The following ZNF385B variants were observed in gnomAD, a reference collection of about 807,000 sequenced individuals.
ZNF385B encodes zinc finger protein 385B.
In ZNF385B, 23 loss-of-function variants were observed where a neutral mutation model predicts 39.2. The ratio of observed to expected loss-of-function variants is 0.59; its 90% CI spans 0.42 to 0.83. ZNF385B has a LOEUF of 0.83. Ranked by LOEUF, ZNF385B falls within the 40% of genes least tolerant of loss-of-function variation. The probability of loss-of-function intolerance (pLI) is 0.00; values close to 1 mark genes in which losing one functional copy is unlikely to be tolerated. For synonymous variants in ZNF385B, 205 were observed against 222.6 expected (o/e 0.92, Z 0.70); for missense variants, 552 against 598.9 (o/e 0.92, Z 0.82).
At chr2:179,821,976 C>A (rs1372762335) in intron 1 of ZNF385B, among the ~76,000 whole-genome samples, 1 of 152,168 alleles carries the variant, frequency 6.6e-6, no homozygotes, top group East Asian at 1.9e-4. Flanking sequence ...TGTTCTGCTG[C>A]ATAGTGCAAG....
intron 1 of ZNF385B, among the ~76,000 whole-genome samples, chr2:179,829,688 T>C (rs1707873788): frequency 6.6e-6 from 1 of 152,144 alleles, no homozygotes; most frequent in South Asian, 2.1e-4. Flanking sequence ...CAATTTTTTG[T>C]ATTTTTAGTA....
At chr2:179,675,476 G>A (rs1696622959) in intron 3 of ZNF385B, among the ~76,000 whole-genome samples, 1 of 152,194 alleles carries the variant, frequency 6.6e-6, no homozygotes, top group East Asian at 1.9e-4. Flanking sequence ...TCGGATAATT[G>A]ACTCTAATCC....
At chr2:179,621,885 G>A (rs943990530) in intron 3 of ZNF385B, among the ~76,000 whole-genome samples, 3 of 152,106 alleles carry the variant, frequency 2.0e-5, no homozygotes, top group African/African-American at 7.2e-5. Flanking sequence ...AGAAAGACTT[G>A]CCTCATGTTA....
chr2:179,515,101 A>G (rs1044671906), intron 5 of ZNF385B, among the ~76,000 whole-genome samples: 33 of 152,124 alleles, frequency 2.2e-4, no homozygotes, highest in African/African-American at 7.7e-4. Flanking sequence ...TAATATTATC[A>G]TGATTTTGAA....
rs141437734 is a variant in ZNF385B at position 179,608,724 on chromosome 2, A to T, written c.299-63755T>A. On this transcript the variant is annotated intron_variant, in intron 3 of 9. Coordinates refer to ENST00000410066, the MANE Select transcript of ZNF385B (RefSeq NM_152520.6). The stretch of plus-strand genomic sequence containing the variant: ...TCTGGAAATGGACCTGAGACTCTGC[A>T]TTTTAACAAGCCCCTAAGTGATGAC... Among the ~76,000 whole-genome samples the T allele has an allele frequency of 4.2e-3, 645 of 152,230 alleles. 1 individual carries two copies. The highest frequency in any genetic ancestry group is 0.015 in the African/African-American group (610 of 41,552).
At chr2:179,712,375 C>T (rs544518212) in intron 3 of ZNF385B, among the ~76,000 whole-genome samples, 3 of 152,188 alleles carry the variant, frequency 2.0e-5, no homozygotes, top group Non-Finnish European at 4.4e-5. Context: ...CTTGTTCATG[C>T]ACGAAACAGA....
intron 1 of ZNF385B, among the ~76,000 whole-genome samples, chr2:179,854,217 CCATTTCT>C (rs1684402742): frequency 6.6e-6 from 1 of 152,098 alleles, no homozygotes; most frequent in African/African-American, 2.4e-5. Context: ...AGGGTCTACA[CCATTTCT>C]CTGTGAAGTT....
intron 1 of ZNF385B, among the ~76,000 whole-genome samples, chr2:179,847,314 C>T (rs1296466219): frequency 6.6e-6 from 1 of 152,128 alleles, no homozygotes; most frequent in South Asian, 2.1e-4. Flanking sequence ...CCAGATTCTA[C>T]CAGCTTATTC....
intron 4 of ZNF385B, among the ~76,000 whole-genome samples, chr2:179,537,945 A>C (rs1351159405): frequency 1.3e-5 from 2 of 152,060 alleles, no homozygotes; most frequent in African/African-American, 4.8e-5. Flanking sequence ...ATAGGCCATC[A>C]ACCTCTCCCC....
intron 5 of ZNF385B, among the ~76,000 whole-genome samples, chr2:179,493,089 C>T (rs1272612162): frequency 6.6e-6 from 1 of 152,024 alleles, no homozygotes; most frequent in Non-Finnish European, 1.5e-5. Flanking sequence ...CTTTCTGATT[C>T]TGTGTGATAT....
intron 4 of ZNF385B, among the ~76,000 whole-genome samples, chr2:179,526,317 C>T (rs181468669): frequency 5.2e-4 from 79 of 152,114 alleles, no homozygotes; most frequent in African/African-American, 1.5e-3. Flanking sequence ...TGGCCAGGCG[C>T]GGTGGCTCAC....
At chr2:179,535,619 T>C (rs184910038) in intron 4 of ZNF385B, among the ~76,000 whole-genome samples, 81 of 152,338 alleles carry the variant, frequency 5.3e-4, no homozygotes, top group South Asian at 8.3e-4. Flanking sequence ...CTTTGAAATA[T>C]GCTAAATCCC....
At chr2:179,795,204 G>T (rs1705582428) in intron 1 of ZNF385B, among the ~76,000 whole-genome samples, 1 of 152,012 alleles carries the variant, frequency 6.6e-6, no homozygotes, top group South Asian at 2.1e-4. Flanking sequence ...GTGCCGAAGG[G>T]ATGTCAAATA....
chr2:179,801,020 A>C (rs2106554294), intron 1 of ZNF385B, among the ~76,000 whole-genome samples: 1 of 152,170 alleles, frequency 6.6e-6, no homozygotes, highest in Middle Eastern at 3.4e-3. Context: ...GGTATGTTCA[A>C]GTTAGAATCC....
intron 3 of ZNF385B, among the ~76,000 whole-genome samples, chr2:179,713,678 A>G (rs575763838): frequency 6.8e-4 from 103 of 152,328 alleles, no homozygotes; most frequent in Non-Finnish European, 1.1e-3. Flanking sequence ...TTCACCGCCT[A>G]ACATAAGGCT....
At chr2:179,752,678 A>C (rs1235388395) in intron 3 of ZNF385B, among the ~76,000 whole-genome samples, 1 of 152,066 alleles carries the variant, frequency 6.6e-6, no homozygotes, top group African/African-American at 2.4e-5. Context: ...CATTTCTCTG[A>C]TGTCCAGTGA....
At chr2:179,492,690 T>A (rs2055372904) in intron 5 of ZNF385B, among the ~76,000 whole-genome samples, 1 of 152,048 alleles carries the variant, frequency 6.6e-6, no homozygotes, top group South Asian at 2.1e-4. Context: ...TGAAAACCTG[T>A]TTCACAAAAC....
At chr2:179,763,979 T>A (rs1703547489) in intron 3 of ZNF385B, among the ~76,000 whole-genome samples, 1 of 152,196 alleles carries the variant, frequency 6.6e-6, no homozygotes, top group Non-Finnish European at 1.5e-5. Flanking sequence ...ATTAGATCCT[T>A]TTAGTTGATT....
intron 1 of ZNF385B, among the ~76,000 whole-genome samples, chr2:179,773,731 G>A (rs1704143613): frequency 2.0e-5 from 3 of 151,960 alleles, no homozygotes; most frequent in African/African-American, 7.3e-5. Flanking sequence ...ATGTCTCAGG[G>A]GACCAAACAA....
Sources: gnomAD v4.1 joint callset for allele counts (sites outside exome capture counted in the v4.1 genomes callset) on GRCh38, gnomAD v4.1.1 for gene constraint, MANE v1.5 for transcripts, NCBI Gene and HGNC (gene_info 2026-07-23, HGNC 2026-07-21) for gene names.